ASPRV1: variants seen among roughly 807,000 people sequenced by gnomAD.
The protein encoded by ASPRV1 is aspartic peptidase retroviral like 1.
In ASPRV1, 7 loss-of-function variants were observed where a neutral mutation model predicts 11.0. That is an observed-to-expected ratio of 0.64 (90% confidence interval 0.36 to 1.20). ASPRV1 has a LOEUF of 1.20. ASPRV1 is among the 50% of genes most tolerant of loss of function. The pLI is 0.02. For synonymous variants in ASPRV1, 136 were observed against 138.4 expected, an observed-to-expected ratio of 0.98 and a Z score of 0.12; for missense variants, 299 against 320.0, an observed-to-expected ratio of 0.93 and a Z score of 0.50.
chr2:69,961,034 C>G lies in ASPRV1; in HGVS notation c.403G>C (p.Val135Leu), dbSNP rs531721434. Residue 135 changes from valine to leucine, a missense_variant, in exon 1 of 1, where the codon GTG (valine) becomes CTG (leucine). Coordinates refer to ENST00000320256, the MANE Select transcript of ASPRV1 (RefSeq NM_152792.4). ...FLVDSGAQVS[V>L]VHPNLWEEVT... ...TCCTCCCACAAGTTTGGGTGGACCA[C>G]AGAGACCTGGGCCCCAGAGTCCACC... The G allele has an allele frequency of 3.7e-6, 6 of 1,614,114 alleles. No individual in the cohort carries two copies. In the South Asian group the frequency reaches 6.6e-5, roughly 18 times the overall value.
Position 69,960,984 on chromosome 2 carries a change from G to A in ASPRV1, c.453C>T (p.Thr151=). ...WEEVTDGDLD[T]LQPFENVVKV... is the part of the protein sequence containing the mutation. The stretch of plus-strand genomic sequence containing the variant: ...TTACCACATTCTCAAAGGGCTGCAG[G>A]GTGTCCAGATCGCCATCAGTGACCT... Residue 151 remains threonine, a synonymous_variant, in exon 1 of 1, where the codon ACC becomes ACT. Transcript: ENST00000320256. 1 of 1,614,028 alleles carries A rather than the reference G, an allele frequency of 6.2e-7. No homozygotes were observed. Among genetic ancestry groups the A allele is most frequent in the Non-Finnish European group, 8.5e-7 (1 of 1,179,990 alleles).
chr2:69,972,743 ACTACT>A, the ASPRV1 span, among the ~76,000 whole-genome samples: 3 of 151,782 alleles, frequency 2.0e-5, no homozygotes, highest in South Asian at 2.1e-4. Context: ...CCCCACACTG[ACTACT>A]CTACTCAGGC....
At chr2:70,065,119 A>C in the ASPRV1 span, among the ~76,000 whole-genome samples, 15 of 150,732 alleles carry the variant, frequency 1.0e-4, no homozygotes, top group East Asian at 3.9e-4. Context: ...CAAAACAAAA[A>C]AAAGGCCAGG....
At chr2:70,022,062 T>C in the ASPRV1 span, among the ~76,000 whole-genome samples, 1 of 151,280 alleles carries the variant, frequency 6.6e-6, no homozygotes, top group Non-Finnish European at 1.5e-5. Flanking sequence ...TCACCCAAGC[T>C]GGAGTGCAGT....
chr2:70,030,021 C>G, the ASPRV1 span: 1 of 152,044 alleles, frequency 6.6e-6, no homozygotes, highest in East Asian at 1.9e-4. Context: ...TTTTTAATAC[C>G]GAGCCATTAC....
the ASPRV1 span, among the ~76,000 whole-genome samples, chr2:70,061,528 C>T: frequency 9.2e-5 from 14 of 152,064 alleles, no homozygotes; most frequent in African/African-American, 2.9e-4. Context: ...AAGGGGTCAA[C>T]GAACTGTGAG....
the ASPRV1 span, among the ~76,000 whole-genome samples, chr2:70,018,389 A>G: frequency 6.6e-6 from 1 of 152,192 alleles, no homozygotes; most frequent in South Asian, 2.1e-4. Flanking sequence ...CTATCAAAAT[A>G]CTAATAAAAT....
chr2:70,056,941 T>G, the ASPRV1 span, among the ~76,000 whole-genome samples: 1 of 152,030 alleles, frequency 6.6e-6, no homozygotes, highest in Admixed American at 6.6e-5. Flanking sequence ...TTTGCCATGT[T>G]AGGCAAGCTG....
At chr2:70,011,965 C>G in the ASPRV1 span, 1 of 152,252 alleles carries the variant, frequency 6.6e-6, no homozygotes, top group African/African-American at 2.4e-5. Flanking sequence ...CAGGGTCCAA[C>G]AGTGTGAAGA....
the ASPRV1 span, among the ~76,000 whole-genome samples, chr2:70,016,867 A>C: frequency 6.6e-6 from 1 of 152,066 alleles, no homozygotes; most frequent in Non-Finnish European, 1.5e-5. Context: ...AGGGAGAAAA[A>C]AAAAAAAGAT....
At chr2:69,981,323 A>G in the ASPRV1 span, among the ~76,000 whole-genome samples, 2 of 152,216 alleles carry the variant, frequency 1.3e-5, no homozygotes, top group African/African-American at 2.4e-5. Flanking sequence ...GTATTACATT[A>G]TAATATTTAT....
At chr2:70,054,274 AGAGT>A in the ASPRV1 span, 3 of 150,854 alleles carry the variant, frequency 2.0e-5, no homozygotes, top group Admixed American at 2.0e-4. Context: ...CCTGGGTGAC[AGAGT>A]GAGACTCCGT....
the ASPRV1 span, among the ~76,000 whole-genome samples, chr2:70,041,859 A>T: frequency 5.3e-5 from 8 of 152,302 alleles, no homozygotes; most frequent in African/African-American, 1.9e-4. Flanking sequence ...AGAATGCAGA[A>T]TTCTTCCTTC....
At chr2:69,959,178 A>G (rs73936747), downstream of ASPRV1, among the ~76,000 whole-genome samples, 467 of 152,288 alleles carry the variant, frequency 3.1e-3, 2 homozygotes, top group African/African-American at 0.011. Context: ...CAAGAGGCTC[A>G]TTCCACCCTG....
chr2:69,951,840 G>A, the ASPRV1 span, among the ~76,000 whole-genome samples: 1 of 151,836 alleles, frequency 6.6e-6, no homozygotes, highest in Non-Finnish European at 1.5e-5. Context: ...GATTTTTTTG[G>A]TGAGTTTTTT....
chr2:69,950,455 G>A, the ASPRV1 span, among the ~76,000 whole-genome samples: 26 of 152,266 alleles, frequency 1.7e-4, no homozygotes, highest in African/African-American at 5.5e-4. Flanking sequence ...ACACTGTGAC[G>A]TTCGTTTTTC....
chr2:70,024,243 G>C, the ASPRV1 span, among the ~76,000 whole-genome samples: 1 of 152,090 alleles, frequency 6.6e-6, no homozygotes, highest in Admixed American at 6.5e-5. Flanking sequence ...AAATTGACTG[G>C]ATGAGAAGGA....
At chr2:69,938,426 A>C in the ASPRV1 span, 1 of 796,054 alleles carries the variant, frequency 1.3e-6, no homozygotes, top group Non-Finnish European at 2.0e-6. Flanking sequence ...ACTGTTTTCA[A>C]GGAGGTGCTT....
At chr2:69,982,812 GC>G in the ASPRV1 span, among the ~76,000 whole-genome samples, 1 of 152,204 alleles carries the variant, frequency 6.6e-6, no homozygotes, top group African/African-American at 2.4e-5. Flanking sequence ...CCTTTAAGAT[GC>G]CCTGAGCAGA....
Sources: gnomAD v4.1 joint callset for allele counts (sites outside exome capture counted in the v4.1 genomes callset) on GRCh38, gnomAD v4.1.1 for gene constraint, MANE v1.5 for transcripts, NCBI Gene and HGNC (gene_info 2026-07-23, HGNC 2026-07-21) for gene names.